TTLL4: variants seen among roughly 807,000 people sequenced by gnomAD.
TTLL4 encodes the protein tubulin tyrosine ligase like 4, also known as tubulin monoglutamylase TTLL4.
In TTLL4, 85 loss-of-function variants were observed where a neutral mutation model predicts 122.7. That is an observed-to-expected ratio of 0.69 (90% CI 0.58 to 0.83). TTLL4 has a LOEUF of 0.83. Among genes scored for constraint, TTLL4 ranks in the 40% least tolerant of loss-of-function variants. The pLI, the probability that TTLL4 is intolerant of heterozygous loss-of-function variation, is 0.00. For missense variants in TTLL4, 1,363 were observed against 1,488.6 expected (o/e 0.92, Z 1.39); for synonymous variants, 553 against 563.0 (o/e 0.98, Z 0.25).
In TTLL4 at chr2:218,751,739, C is replaced by T. The variant is rs1170313576; in HGVS notation, c.2909C>T (p.Ala970Val). ...PTSPGDKCRM[A>V]PEHVTAQKMK... is the part of the protein sequence containing the mutation. ...TCCCCTGGGGACAAATGTCGAATGGCTCCAGAGCATGTCACTGCACAGAAG... is the reference window on the plus strand; with the variant it reads ...TCCCCTGGGGACAAATGTCGAATGGTTCCAGAGCATGTCACTGCACAGAAG... The change falls in exon 16 of 20, where the codon GCT becomes GTT. Residue 970 changes from alanine to valine, a missense_variant. Coordinates refer to ENST00000392102, the MANE Select transcript of TTLL4 (RefSeq NM_014640.5). The T allele has an allele frequency of 4.3e-6, 7 of 1,613,702 alleles. No homozygotes were observed. The highest frequency in any genetic ancestry group is 5.9e-6 in the Non-Finnish European group (7 of 1,179,734).
chr2:218,743,233 C>T (rs1169206435), intron 5 of TTLL4, among the ~76,000 whole-genome samples: 1 of 152,166 alleles, frequency 6.6e-6, no homozygotes, highest in Non-Finnish European at 1.5e-5. Flanking sequence ...CCTTAACCCC[C>T]TGGCAACCAC....
At chr2:218,741,611 A>T (rs998279221) in intron 5 of TTLL4, among the ~76,000 whole-genome samples, 1 of 152,204 alleles carries the variant, frequency 6.6e-6, no homozygotes, top group Non-Finnish European at 1.5e-5. Flanking sequence ...TAGAAATCCC[A>T]TCACGGGCAC....
At chr2:218,711,085 G>A in intron 1 of TTLL4, 48 bp downstream of exon 1, 1 of 152,606 alleles carries the variant, frequency 6.6e-6, no homozygotes, top group Non-Finnish European at 1.5e-5. Flanking sequence ...ACACTCCGCC[G>A]GTCCCACGCT....
chr2:218,722,315 C>T (rs1005527874), intron 1 of TTLL4, among the ~76,000 whole-genome samples: 1 of 149,794 alleles, frequency 6.7e-6, no homozygotes, highest in African/African-American at 2.4e-5. Flanking sequence ...TTTCCAACCT[C>T]ATTGGTAGTT....
intron 3 of TTLL4, among the ~76,000 whole-genome samples, 200 bp downstream of exon 3, chr2:218,739,363 G>A (rs983606336): frequency 6.6e-6 from 1 of 152,190 alleles, no homozygotes; most frequent in African/African-American, 2.4e-5. Context: ...TGTAAATAAA[G>A]TTTTGTTGGA....
intron 2 of TTLL4, among the ~76,000 whole-genome samples, chr2:218,732,599 A>T (rs1395565991): frequency 1.3e-5 from 2 of 152,136 alleles, no homozygotes; most frequent in Non-Finnish European, 2.9e-5. Context: ...CTTTGACTTT[A>T]TGGCAGAACT....
intron 3 of TTLL4, 75 bp downstream of exon 3, chr2:218,739,238 G>A (rs1341128208): frequency 1.3e-6 from 2 of 1,495,492 alleles, no homozygotes; most frequent in East Asian, 2.3e-5. Context: ...CACCGACCCT[G>A]TACCTCTGAA....
chr2:218,746,769 A>T, intron 8 of TTLL4: 1 of 551,472 alleles, frequency 1.8e-6, no homozygotes, highest in Non-Finnish European at 3.2e-6. Flanking sequence ...TTTTCTTTGC[A>T]CTTAAGGTGA....
chr2:218,737,529 G>A (rs1942557752), intron 2 of TTLL4, 50 bp from the exon 3 acceptor site: 2 of 961,242 alleles, frequency 2.1e-6, no homozygotes, highest in South Asian at 3.4e-5. Context: ...GTAGCATGGT[G>A]TCCGTTCTCC....
At position 218,740,548 on chromosome 2, in the gene TTLL4, C is replaced by T. The variant is rs746905405; in HGVS notation, c.1625C>T (p.Ala542Val). 1.9e-6 allele frequency: 3 copies of T among 1,614,148 alleles called. No individual in the cohort carries two copies. In the Middle Eastern group the frequency reaches 4.9e-4, roughly 266 times the overall value. Reference sequence around the variant, plus strand: ...GACTCAGAGTGCTCCTCATTAAGTGCTGTCTCCCCCAGCGAATCGGTGGCC... The same window carrying T: ...GACTCAGAGTGCTCCTCATTAAGTGTTGTCTCCCCCAGCGAATCGGTGGCC... Reference protein sequence around the residue: ...EGDSECSSLSAVSPSESVAMI... With the variant: ...EGDSECSSLSVVSPSESVAMI... Residue 542 changes from alanine to valine, a missense_variant, in exon 5 of 20, where the codon GCT becomes GTT. By Grantham distance (64) the Ala-to-Val change is moderately conservative. Coordinates refer to ENST00000392102, the MANE Select transcript of TTLL4 (RefSeq NM_014640.5).
chr2:218,756,534 A>T (rs145247875), downstream of TTLL4, among the ~76,000 whole-genome samples: 2 of 152,326 alleles, frequency 1.3e-5, no homozygotes, highest in East Asian at 3.9e-4. Context: ...GGACTTACAT[A>T]CCACATTTAC....
In TTLL4 at chr2:218,752,783, G is replaced by A. The variant is rs1245657732; in HGVS notation, c.2997G>A (p.Leu999=). The change falls in exon 17 of 20, where the codon CTG becomes CTA. Residue 999 remains leucine, a synonymous_variant. Transcript: ENST00000392102. ...CACAGGACTTCTATGCATCTGTGCT[G>A]GATGTCCTGACACCAGATGATGTTC... ...IPDQDFYASV[L]DVLTPDDVRI... 6.2e-7 allele frequency: 1 copy of A among 1,614,180 alleles called. No homozygotes were observed. Among genetic ancestry groups the A allele is most frequent in the Non-Finnish European group, 8.5e-7 (1 of 1,180,034 alleles).
chr2:218,737,572 A>G lies in TTLL4; in HGVS notation c.-98-7A>G, dbSNP rs968890973. ...GTAACATTTCCTATCATTTCTCTCC[A>G]CTTCAGACTGACAGACTTCAAGGAT... On this transcript the variant is annotated splice_polypyrimidine_tract_variant and splice_region_variant and intron_variant, in intron 2 of 19. Transcript: ENST00000392102. 4.6e-6 allele frequency: 6 copies of G among 1,314,500 alleles called. No individual in the cohort carries two copies. The highest frequency in any genetic ancestry group is 2.3e-5 in the East Asian group (1 of 42,938). The allele number at this position is 1,314,500 out of a possible 1,614,324, so 81.4% of individuals were successfully genotyped here. A position where few individuals can be genotyped will look rare whatever the true frequency, so the allele number is the denominator to read the frequency against.
chr2:218,735,813 C>T (rs1005888918), intron 2 of TTLL4, among the ~76,000 whole-genome samples: 3 of 151,878 alleles, frequency 2.0e-5, no homozygotes, highest in African/African-American at 7.3e-5. Context: ...GCTGGGATTA[C>T]AGGCACCCTC....
chr2:218,753,723 T>C (rs544173287), intron 19 of TTLL4, 54 bp downstream of exon 19: 3 of 1,582,044 alleles, frequency 1.9e-6, no homozygotes, highest in Non-Finnish European at 1.7e-6. Flanking sequence ...TGTAGAGTTT[T>C]CTTCCTTCCC....
intron 15 of TTLL4, 151 bp downstream of exon 15, chr2:218,750,297 A>G (rs1942981816): frequency 9.4e-7 from 1 of 1,066,398 alleles, no homozygotes; most frequent in Admixed American, 2.9e-5. Context: ...CTACCATGCC[A>G]CATCAGTGAC....
chr2:218,747,318 AG>A lies in TTLL4; in HGVS notation c.2197del (p.Val733LeufsTer66). On this transcript the variant is annotated frameshift_variant, in exon 10 of 20. Transcript: ENST00000392102. LOFTEE classifies it high-confidence loss of function. The surrounding 1 kb of genome is among the most constrained non-coding windows in gnomAD (Gnocchi z 4.7). ...PPASARGIGI[Q>X]VIHKWSQLPK... is the part of the protein sequence containing the mutation. The stretch of plus-strand genomic sequence containing the variant: ...GCATCAGCTCGAGGCATTGGCATCC[AG>A]GTTATTCACAAGTGGAGTCAGCTCC... 1.2e-6 allele frequency: 2 copies of A among 1,614,188 alleles called. No individual in the cohort carries two copies. Among genetic ancestry groups the A allele is most frequent in the Non-Finnish European group, 1.7e-6 (2 of 1,180,026 alleles).
In TTLL4 at chr2:218,749,234, TC is replaced by T; in HGVS notation, c.2601-17del. On this transcript the variant is annotated intron_variant, in intron 13 of 19. Coordinates refer to ENST00000392102, the MANE Select transcript of TTLL4 (RefSeq NM_014640.5). Reference sequence around the variant, plus strand: ...TCTGGGAGGAGCTGAACTGAGTACTTCCTCATCCCCATGACCAGGTCAGAGC... The same window carrying T: ...TCTGGGAGGAGCTGAACTGAGTACTTCTCATCCCCATGACCAGGTCAGAGC... 2 of 1,613,806 alleles carry T rather than the reference TC, an allele frequency of 1.2e-6. No individual in the cohort carries two copies. Among genetic ancestry groups the T allele is most frequent in the Non-Finnish European group, 8.5e-7 (1 of 1,179,872 alleles).
At chr2:218,751,864 G>T in intron 16 of TTLL4, 58 bp downstream of exon 16, 1 of 1,282,360 alleles carries the variant, frequency 7.8e-7, no homozygotes, top group Non-Finnish European at 1.1e-6. Flanking sequence ...CAAACATTTG[G>T]GACCCAAAAG....
Sources: gnomAD v4.1 joint callset for allele counts (sites outside exome capture counted in the v4.1 genomes callset) on GRCh38, gnomAD v4.1.1 for gene constraint, Gnocchi (gnomAD v3.1) non-coding constraint, MANE v1.5 for transcripts, NCBI Gene and HGNC (gene_info 2026-07-23, HGNC 2026-07-21) for gene names.